PTPRT: variants seen among roughly 807,000 people sequenced by gnomAD.
The protein encoded by PTPRT is protein tyrosine phosphatase receptor type T, also known as receptor-type tyrosine-protein phosphatase T.
A neutral mutation model predicts 176.8 loss-of-function variants in PTPRT; 56 were observed. That is an observed-to-expected ratio of 0.32 (90% CI 0.26 to 0.40). The LOEUF is 0.40. Among genes scored for constraint, PTPRT ranks in the 10% least tolerant of loss-of-function variants. The probability of loss-of-function intolerance (pLI) is 1.00; values close to 1 mark genes in which losing one functional copy is unlikely to be tolerated. For missense variants in PTPRT, 1,540 were observed against 1,908.2 expected, an observed-to-expected ratio of 0.81 and a Z score of 3.60; for synonymous variants, 783 against 739.0, an observed-to-expected ratio of 1.06 and a Z score of -0.96.
chr20:42,676,489 CCT>C (rs1487569873), intron 7 of PTPRT, among the ~76,000 whole-genome samples: 1 of 152,086 alleles, frequency 6.6e-6, no homozygotes. Flanking sequence ...TGCCTGCTCC[CCT>C]GAGCCACACC....
At chr20:42,189,650 T>C (rs1990919643) in intron 16 of PTPRT, among the ~76,000 whole-genome samples, 1 of 152,192 alleles carries the variant, frequency 6.6e-6, no homozygotes, top group South Asian at 2.1e-4. Flanking sequence ...TTGTTGACTG[T>C]ACTTCATTCC....
chr20:43,077,250 T>C (rs1568770491), intron 1 of PTPRT, among the ~76,000 whole-genome samples: 1 of 152,198 alleles, frequency 6.6e-6, no homozygotes, highest in Admixed American at 6.5e-5. Context: ...AAGGGCTTCA[T>C]GTGCATTATC....
At chr20:42,306,174 A>G (rs1202709305) in intron 12 of PTPRT, among the ~76,000 whole-genome samples, 1 of 152,240 alleles carries the variant, frequency 6.6e-6, no homozygotes, top group Non-Finnish European at 1.5e-5. Context: ...CTGTAAGTGG[A>G]TGAAAAAATA....
rs1361382970 is a variant in PTPRT, at chr20:42,073,360, G to A, written c.*7519C>T. ...CATGGGCTAGCTCAGGATCCACCTGGTGATGAAATGTGTGCACTGGAAATG... is the reference window on the plus strand; with the variant it reads ...CATGGGCTAGCTCAGGATCCACCTGATGATGAAATGTGTGCACTGGAAATG... On this transcript the variant is annotated 3_prime_UTR_variant, in exon 31 of 31. Transcript: ENST00000373187. The A allele has an allele frequency of 5.2e-6, 1 of 190,622 alleles. No homozygotes were observed. Among genetic ancestry groups the A allele is most frequent in the African/African-American group, 2.3e-5 (1 of 42,976 alleles). 11.8% of individuals were successfully genotyped at this position (190,622 alleles called of 1,614,324 possible). A position where few individuals can be genotyped will look rare whatever the true frequency, so the allele number is the denominator to read the frequency against.
rs1013483274 is a variant in PTPRT, at chr20:42,084,835, C to A, written c.3983G>T (p.Gly1328Val). 1 of 1,443,528 alleles carries A rather than the reference C, an allele frequency of 6.9e-7. No individual in the cohort carries two copies. Among genetic ancestry groups the A allele is most frequent in the East Asian group, 2.5e-5 (1 of 39,520 alleles). The allele number at this position is 1,443,528 out of a possible 1,614,324, so 89.4% of individuals were successfully genotyped here. The change falls in exon 29 of 31, where the codon GGT becomes GTT. Residue 1328 changes from glycine to valine, a missense_variant. Physicochemically the swap from Gly to Val is moderately radical, Grantham distance 109. This residue lies in a region of PTPRT where 342 missense variants were observed against 394.0 expected (regional missense o/e 0.87). Transcript: ENST00000373187. ...CTGGAGGTGCTGGACTATACGATAA[C>A]CATCCTGTGGCTGAGAACAGAGAGG... The part of the protein sequence containing the change: ...RICNMARPQD[G>V]YRIVQHLQYI...
chr20:42,820,723 A>G (rs1040652049), intron 2 of PTPRT, among the ~76,000 whole-genome samples: 3 of 152,196 alleles, frequency 2.0e-5, no homozygotes, highest in African/African-American at 7.2e-5. Context: ...AAAAAATGAT[A>G]AAGGGGATAT....
intron 1 of PTPRT, among the ~76,000 whole-genome samples, chr20:43,172,447 C>T (rs574139961): frequency 1.5e-4 from 23 of 152,166 alleles, no homozygotes; most frequent in Non-Finnish European, 3.4e-4. Flanking sequence ...TTAGAGTGAC[C>T]GACTCATCCT....
chr20:42,435,612 C>A (rs1367219981), intron 9 of PTPRT, among the ~76,000 whole-genome samples: 1 of 152,016 alleles, frequency 6.6e-6, no homozygotes, highest in Non-Finnish European at 1.5e-5. Context: ...ATGTGAAATG[C>A]AATAGCTCTA....
intron 12 of PTPRT, among the ~76,000 whole-genome samples, chr20:42,290,643 T>TTTTATTTA (rs896764441): frequency 1.4e-4 from 22 of 151,966 alleles, no homozygotes; most frequent in African/African-American, 5.1e-4. Flanking sequence ...ATGCAAATAA[T>TTTTATTTA]TTTATTTATT....
At chr20:42,346,029 G>A (rs1305174597) in intron 11 of PTPRT, among the ~76,000 whole-genome samples, 1 of 152,132 alleles carries the variant, frequency 6.6e-6, no homozygotes, top group South Asian at 2.1e-4. Context: ...TTCAGTGGGG[G>A]GTGGATTGAA....
At chr20:42,578,900 T>C (rs1490528157) in intron 7 of PTPRT, among the ~76,000 whole-genome samples, 4 of 139,104 alleles carry the variant, frequency 2.9e-5, no homozygotes, top group Non-Finnish European at 3.0e-5. Flanking sequence ...GTTTTTTTTT[T>C]TTGGGGGGGG....
chr20:42,248,575 A>G lies in PTPRT; in HGVS notation c.2312+112T>C, dbSNP rs2056495150. On this transcript the variant is annotated intron_variant, in intron 14 of 30. Transcript: ENST00000373187. Reference sequence around the variant, plus strand: ...CATGTATTTCCGGACCTCAATGGTTATAACAGAAGATCCCTGCTGGACAAT... The same window carrying G: ...CATGTATTTCCGGACCTCAATGGTTGTAACAGAAGATCCCTGCTGGACAAT... 11 of 1,373,432 alleles carry G rather than the reference A, an allele frequency of 8.0e-6. No individual in the cohort carries two copies. In the South Asian group the frequency reaches 1.2e-4, roughly 15 times the overall value. The allele number at this position is 1,373,432 out of a possible 1,614,324, so 85.1% of individuals were successfully genotyped here. A position where few individuals can be genotyped will look rare whatever the true frequency, so the allele number is the denominator to read the frequency against.
intron 7 of PTPRT, among the ~76,000 whole-genome samples, chr20:42,526,602 A>G (rs1037091650): frequency 6.6e-6 from 1 of 152,212 alleles, no homozygotes; most frequent in Non-Finnish European, 1.5e-5. Flanking sequence ...TATCTGTGAC[A>G]ACACTTTCTG....
intron 1 of PTPRT, among the ~76,000 whole-genome samples, chr20:43,068,349 T>TA (rs2011139062): frequency 6.7e-6 from 1 of 150,024 alleles, no homozygotes; most frequent in Non-Finnish European, 1.5e-5. Flanking sequence ...CTAAAAACAC[T>TA]AAAAAATTAG....
intron 9 of PTPRT, among the ~76,000 whole-genome samples, chr20:42,421,446 AG>A (rs1201683075): frequency 1.3e-5 from 2 of 152,124 alleles, no homozygotes; most frequent in African/African-American, 4.8e-5. Flanking sequence ...ACAAGAAACC[AG>A]GAGACGTTGA....
intron 12 of PTPRT, among the ~76,000 whole-genome samples, chr20:42,311,440 C>G (rs1319028270): frequency 1.3e-5 from 2 of 152,222 alleles, no homozygotes; most frequent in Middle Eastern, 6.8e-3. Flanking sequence ...ATTCTCCTAC[C>G]CTTCCTTGAC....
intron 1 of PTPRT, among the ~76,000 whole-genome samples, chr20:43,150,544 C>T (rs1199464812): frequency 6.6e-6 from 1 of 152,048 alleles, no homozygotes; most frequent in Admixed American, 6.5e-5. Flanking sequence ...GCAACCTCCA[C>T]CTCCCAGGTT....
downstream of PTPRT, among the ~76,000 whole-genome samples, chr20:42,068,807 T>C (rs1050099453): frequency 6.6e-6 from 1 of 152,144 alleles, no homozygotes; most frequent in South Asian, 2.1e-4. Context: ...TACATATTTG[T>C]AGGGATTTTA....
intron 1 of PTPRT, among the ~76,000 whole-genome samples, chr20:43,061,058 G>A (rs1987436402): frequency 6.6e-6 from 1 of 150,720 alleles, no homozygotes; most frequent in Admixed American, 6.6e-5. Flanking sequence ...GTAAGTAGGA[G>A]GGTGGGTGAG....
Sources: gnomAD v4.1 joint callset for allele counts (sites outside exome capture counted in the v4.1 genomes callset) on GRCh38, gnomAD v4.1.1 for gene constraint, gnomAD v4.1.1 regional missense constraint, MANE v1.5 for transcripts, NCBI Gene and HGNC (gene_info 2026-07-23, HGNC 2026-07-21) for gene names.